LTBP1: variants seen among roughly 807,000 people sequenced by gnomAD.
The protein encoded by LTBP1 is latent-transforming growth factor beta-binding protein 1.
LTBP1 carries 129 observed loss-of-function variants against 207.6 expected under a neutral mutation model. The observed-to-expected ratio is 0.62, with a 90% CI of 0.54 to 0.72. The LOEUF (loss-of-function observed/expected upper bound fraction) is 0.72, where lower values mean the gene tolerates loss of function less well. Among genes scored for constraint, LTBP1 ranks in the 30% least tolerant of loss-of-function variants. LTBP1 has a pLI of 0.00. For synonymous variants in LTBP1, 963 were observed against 833.7 expected, an observed-to-expected ratio of 1.16 and a Z score of -2.67; for missense variants, 2,281 against 2,217.2, an observed-to-expected ratio of 1.03 and a Z score of -0.58.
chr2:33,289,613 A>T (rs964396294), intron 19 of LTBP1, among the ~76,000 whole-genome samples: 1 of 152,014 alleles, frequency 6.6e-6, no homozygotes, highest in African/African-American at 2.4e-5. Context: ...CAGCCCTCCC[A>T]CCTCAGCCTC....
intron 3 of LTBP1, among the ~76,000 whole-genome samples, chr2:33,030,012 G>T (rs529007918): frequency 6.6e-6 from 1 of 152,136 alleles, no homozygotes; most frequent in Non-Finnish European, 1.5e-5. Context: ...TGTAGACACA[G>T]AATTTATTTT....
intron 9 of LTBP1, among the ~76,000 whole-genome samples, chr2:33,236,144 T>C (rs1317152090): frequency 6.6e-6 from 1 of 152,232 alleles, no homozygotes; most frequent in Non-Finnish European, 1.5e-5. Context: ...AAGACTGCGG[T>C]CAACCAGACT....
At chr2:33,283,635 A>G (rs1360286270) in intron 19 of LTBP1, among the ~76,000 whole-genome samples, 1 of 151,866 alleles carries the variant, frequency 6.6e-6, no homozygotes, top group Non-Finnish European at 1.5e-5. Context: ...ACGGGGTTTC[A>G]CCATGTTAGC....
At chr2:33,328,166 TA>T (rs370063218) in intron 24 of LTBP1, among the ~76,000 whole-genome samples, 2 of 146,182 alleles carry the variant, frequency 1.4e-5, no homozygotes, top group African/African-American at 5.2e-5. Context: ...AATAAATAAA[TA>T]AAATAAAAAT....
In LTBP1 at chr2:33,291,043, C is replaced by T. The variant is rs1361960031; in HGVS notation, c.3113-2117C>T. Among the ~76,000 whole-genome samples, 3 of 152,194 alleles carry T rather than the reference C, an allele frequency of 2.0e-5. No individual in the cohort carries two copies. In the South Asian group the frequency reaches 6.2e-4, roughly 32 times the overall value. Reference sequence around the variant, plus strand: ...CTTGCTATTTTCTCAGGAGCATAGTCTCATTAAGGCAATGTACTTTCAGTT... The same window carrying T: ...CTTGCTATTTTCTCAGGAGCATAGTTTCATTAAGGCAATGTACTTTCAGTT... On this transcript the variant is annotated intron_variant, in intron 19 of 33. Transcript: ENST00000404816.
At chr2:33,160,360 G>A (rs2084357403) in intron 5 of LTBP1, among the ~76,000 whole-genome samples, 1 of 152,100 alleles carries the variant, frequency 6.6e-6, no homozygotes, top group Non-Finnish European at 1.5e-5. Flanking sequence ...CAAGTGCCTT[G>A]GACTGCTTTT....
intron 3 of LTBP1, among the ~76,000 whole-genome samples, chr2:33,026,076 G>A (rs1009297435): frequency 5.3e-5 from 8 of 152,244 alleles, no homozygotes; most frequent in African/African-American, 1.9e-4. Context: ...CCATTATAAA[G>A]CTATGCCAAT....
intron 2 of LTBP1, among the ~76,000 whole-genome samples, chr2:33,000,899 A>G (rs562651746): frequency 7.4e-6 from 1 of 134,626 alleles, no homozygotes; most frequent in Admixed American, 7.6e-5. Flanking sequence ...TGCTTCATGT[A>G]TTAAGCTTCA....
intron 11 of LTBP1, among the ~76,000 whole-genome samples, chr2:33,255,500 A>G (rs2147793194): frequency 1.3e-5 from 2 of 152,328 alleles, no homozygotes; most frequent in Non-Finnish European, 2.9e-5. Context: ...CCAAATGACT[A>G]TAAATCATGC....
At chr2:33,297,120 T>C (rs1436956431) in intron 20 of LTBP1, among the ~76,000 whole-genome samples, 1 of 152,182 alleles carries the variant, frequency 6.6e-6, no homozygotes, top group East Asian at 1.9e-4. Flanking sequence ...GGAGTAAAAC[T>C]TGGCAGGCAG....
At chr2:33,207,078 G>A (rs1276444794) in intron 7 of LTBP1, among the ~76,000 whole-genome samples, 1 of 152,152 alleles carries the variant, frequency 6.6e-6, no homozygotes. Flanking sequence ...CAGCCTGGAA[G>A]AAGACTTGAC....
At chr2:33,276,009 ACT>A (rs2093419456) in intron 18 of LTBP1, 86 bp downstream of exon 18, 1 of 1,471,986 alleles carries the variant, frequency 6.8e-7, no homozygotes, top group African/African-American at 1.4e-5. Context: ...TCCTTCCCAC[ACT>A]CAGTGCGTGA....
chr2:33,159,500 A>G (rs1572907804), intron 5 of LTBP1, among the ~76,000 whole-genome samples: 1 of 152,166 alleles, frequency 6.6e-6, no homozygotes, highest in African/African-American at 2.4e-5. Flanking sequence ...TTTGTGTCCA[A>G]TTCATTCAAC....
Position 33,078,862 on chromosome 2 carries a change from CTTTTT to C in LTBP1, c.864-31709_864-31705del, listed in dbSNP as rs34843933. ...CTTCTGTTTTCTTTTCTTTTCTTTTCTTTTTTTTTTTTTTTGAGACAGAGTCTCGC... is the reference window on the plus strand; with the variant it reads ...CTTCTGTTTTCTTTTCTTTTCTTTTCTTTTTTTTTTGAGACAGAGTCTCGC... On this transcript the variant is annotated intron_variant, in intron 3 of 33. Transcript: ENST00000404816. 1.9e-5 allele frequency among the ~76,000 whole-genome samples: 2 copies of C among 106,888 alleles called. 1 individual carries two copies. The highest frequency in any genetic ancestry group is 2.6e-4 in the Admixed American group (2 of 7,682). The allele number at this position is 106,888 out of a possible 152,430, so 70.1% of individuals were successfully genotyped here.
chr2:33,160,067 T>C (rs937870301), intron 5 of LTBP1, among the ~76,000 whole-genome samples: 2 of 152,090 alleles, frequency 1.3e-5, no homozygotes, highest in African/African-American at 4.8e-5. Flanking sequence ...TTGGTAGAGA[T>C]GGGGTTTCAC....
At chr2:33,051,874 C>G (rs1225036837) in intron 3 of LTBP1, among the ~76,000 whole-genome samples, 34 of 152,158 alleles carry the variant, frequency 2.2e-4, no homozygotes, top group Non-Finnish European at 1.5e-5. Flanking sequence ...ATGTAGAACC[C>G]AAAGACATAG....
chr2:33,389,152 G>T, intron 31 of LTBP1, 32 bp from the exon 32 acceptor site: 1 of 1,613,732 alleles, frequency 6.2e-7, no homozygotes, highest in African/African-American at 1.3e-5. Flanking sequence ...GCTAACAGTG[G>T]TGGGGCCTCA....
chr2:33,164,498 G>A (rs999235005), intron 5 of LTBP1, among the ~76,000 whole-genome samples: 12 of 151,738 alleles, frequency 7.9e-5, no homozygotes, highest in Non-Finnish European at 1.8e-4. Context: ...TTTAGGATGT[G>A]GGCCTATCTT....
At chr2:32,950,372 C>T (rs1186560787) in intron 2 of LTBP1, among the ~76,000 whole-genome samples, 3 of 152,034 alleles carry the variant, frequency 2.0e-5, no homozygotes, top group Admixed American at 6.6e-5. Flanking sequence ...GCCTGGGCAG[C>T]ATGGCAAAAC....
Sources: gnomAD v4.1 joint callset for allele counts (sites outside exome capture counted in the v4.1 genomes callset) on GRCh38, gnomAD v4.1.1 for gene constraint, MANE v1.5 for transcripts, NCBI Gene and HGNC (gene_info 2026-07-23, HGNC 2026-07-21) for gene names.